The following SLC12A2 variants were observed in gnomAD, a reference collection of about 807,000 sequenced individuals.
SLC12A2 encodes solute carrier family 12 member 2.
SLC12A2 carries 67 observed loss-of-function variants against 136.3 expected under a neutral mutation model. The ratio of observed to expected loss-of-function variants is 0.49; its 90% CI spans 0.40 to 0.60. SLC12A2 has a LOEUF of 0.60. SLC12A2 is among the 20% of genes least tolerant of loss of function. The pLI is 0.00. For synonymous variants in SLC12A2, 619 were observed against 562.9 expected, an observed-to-expected ratio of 1.10 and a Z score of -1.41; for missense variants, 1,322 against 1,534.7, an observed-to-expected ratio of 0.86 and a Z score of 2.32.
chr5:128,158,207 GT>G, intron 16 of SLC12A2, 43 bp downstream of exon 16: 1 of 1,459,650 alleles, frequency 6.9e-7, no homozygotes, highest in Non-Finnish European at 9.5e-7. Flanking sequence ...TTTTTTTAAA[GT>G]TTTATTTTAG....
intron 1 of SLC12A2, among the ~76,000 whole-genome samples, chr5:128,089,704 TTAA>T (rs1760240678): frequency 6.6e-6 from 1 of 152,218 alleles, no homozygotes; most frequent in Non-Finnish European, 1.5e-5. Context: ...GAATAGGCAC[TTAA>T]TAAAGATTTG....
chr5:128,161,725 T>C lies in SLC12A2; in HGVS notation c.2541T>C (p.Ile847=), dbSNP rs780552990. 6.5e-7 allele frequency: 1 copy of C among 1,538,748 alleles called. No homozygotes were observed. Among genetic ancestry groups the C allele is most frequent in the South Asian group, 1.3e-5 (1 of 76,944 alleles). Residue 847 remains isoleucine (I), a synonymous_variant, in exon 17 of 27, where the codon ATT becomes ATC. Transcript: ENST00000262461. The stretch of plus-strand genomic sequence containing the variant: ...AAGCCAAATATCAGCGATGGCTTAT[T>C]AAGAACAAAATGAAGGCATTTTATG... ...IDQAKYQRWL[I]KNKMKAFYAP...
chr5:128,098,495 G>GTTTTTTTTT, intron 1 of SLC12A2, among the ~76,000 whole-genome samples: 1 of 145,738 alleles, frequency 6.9e-6, no homozygotes. Context: ...TGTTTTTTTT[G>GTTTTTTTTT]TTTTTTTTTC....
chr5:128,153,805 A>G (rs1762786095), intron 15 of SLC12A2, among the ~76,000 whole-genome samples: 1 of 151,884 alleles, frequency 6.6e-6, no homozygotes, highest in Non-Finnish European at 1.5e-5. Context: ...TTTTTTTGTT[A>G]CTCTTTTGAA....
intron 17 of SLC12A2, among the ~76,000 whole-genome samples, chr5:128,163,156 A>T (rs185683247): frequency 1.3e-4 from 20 of 152,258 alleles, no homozygotes; most frequent in Non-Finnish European, 2.6e-4. Context: ...ATGTCCTGCA[A>T]ATTTGGTTTG....
intron 4 of SLC12A2, among the ~76,000 whole-genome samples, chr5:128,118,933 C>A (rs1761453012): frequency 6.6e-6 from 1 of 152,072 alleles, no homozygotes; most frequent in South Asian, 2.1e-4. Flanking sequence ...CTCTATGGAG[C>A]AAGGAACCCT....
rs978460731 is a variant in SLC12A2 at position 128,124,823 on chromosome 5, CCT to C, written c.1049-6241_1049-6240del. Reference sequence around the variant, plus strand: ...TAATGGGGGTATTGAAAGTGCTAACCCTCTAATCACATAGTTGTTCCTCTAGC... The same window carrying C: ...TAATGGGGGTATTGAAAGTGCTAACCCTAATCACATAGTTGTTCCTCTAGC... On this transcript the variant is annotated intron_variant, in intron 4 of 26. Transcript: ENST00000262461. Among the ~76,000 whole-genome samples, 94 of 152,022 alleles carry C rather than the reference CCT, an allele frequency of 6.2e-4. 1 individual carries two copies. The highest frequency in any genetic ancestry group is 2.2e-3 in the African/African-American group (92 of 41,378).
chr5:128,126,124 T>A (rs1220988496), intron 4 of SLC12A2, among the ~76,000 whole-genome samples: 1 of 152,210 alleles, frequency 6.6e-6, no homozygotes, highest in African/African-American at 2.4e-5. Context: ...CTTTTCTAGA[T>A]CTTTAGCATT....
Position 128,147,628 on chromosome 5 carries a change from A to G in SLC12A2, c.1780A>G (p.Ser594Gly). ...YGLMNNFQVM[S>G]MVSGFTPLIS... is the part of the protein sequence containing the mutation. The stretch of plus-strand genomic sequence containing the variant: ...TTTGTCACTTTTATTTAAGGTAATG[A>G]GTATGGTGTCAGGATTTACACCACT... Residue 594 changes from serine to glycine, a missense_variant, in exon 11 of 27, where the codon AGT becomes GGT. Around this residue, in one of 8 missense-constraint regions of SLC12A2, gnomAD observed 294 missense variants for 436.6 expected, o/e 0.67. Coordinates refer to ENST00000262461, the MANE Select transcript of SLC12A2 (RefSeq NM_001046.3). 6.3e-7 allele frequency: 1 copy of G among 1,594,654 alleles called. No individual in the cohort carries two copies. Among genetic ancestry groups the G allele is most frequent in the Non-Finnish European group, 8.6e-7 (1 of 1,163,894 alleles).
At chr5:128,101,932 G>T (rs1171142536) in intron 1 of SLC12A2, among the ~76,000 whole-genome samples, 1 of 152,112 alleles carries the variant, frequency 6.6e-6, no homozygotes, top group Admixed American at 6.6e-5. Flanking sequence ...GTATGCAAAA[G>T]TCCTTTTTTT....
intron 1 of SLC12A2, among the ~76,000 whole-genome samples, chr5:128,104,647 A>AT (rs1479471412): frequency 1.1e-4 from 16 of 140,642 alleles, no homozygotes; most frequent in South Asian, 2.1e-4. Flanking sequence ...AAAGAAAAAA[A>AT]AATATATATA....
intron 9 of SLC12A2, among the ~76,000 whole-genome samples, chr5:128,141,109 A>G (rs1356704410): frequency 6.6e-6 from 1 of 152,176 alleles, no homozygotes; most frequent in Non-Finnish European, 1.5e-5. Context: ...GCTTGTTTCA[A>G]GGTCACTTTT....
At chr5:128,124,969 A>C (rs968623483) in intron 4 of SLC12A2, among the ~76,000 whole-genome samples, 4 of 152,218 alleles carry the variant, frequency 2.6e-5, no homozygotes, top group African/African-American at 9.6e-5. Context: ...TTCTCACCTG[A>C]TCAGTAAATT....
intron 17 of SLC12A2, among the ~76,000 whole-genome samples, chr5:128,165,624 C>T (rs998922495): frequency 1.3e-5 from 2 of 152,084 alleles, no homozygotes; most frequent in Non-Finnish European, 2.9e-5. Flanking sequence ...GACTGAATAG[C>T]TACTTTGATT....
chr5:128,089,169 CA>C (rs34686489), intron 1 of SLC12A2, among the ~76,000 whole-genome samples: 79,185 of 119,698 alleles, frequency 0.66, 23,743 homozygotes, highest in Admixed American at 0.72. Context: ...ACTTTGTCTC[CA>C]AAAAAAAAAA....
At chr5:128,089,143 G>C (rs1271809519) in intron 1 of SLC12A2, among the ~76,000 whole-genome samples, 2 of 147,988 alleles carry the variant, frequency 1.4e-5, no homozygotes, top group Non-Finnish European at 3.0e-5. Flanking sequence ...ACTCCAGCCT[G>C]GGCAACAAGA....
intron 22 of SLC12A2, among the ~76,000 whole-genome samples, chr5:128,179,285 T>A (rs1763626586): frequency 6.6e-6 from 1 of 152,212 alleles, no homozygotes; most frequent in Admixed American, 6.5e-5. Flanking sequence ...GAATGTATTG[T>A]TATTGTTGTG....
At chr5:128,145,127 A>G (rs1762488683) in intron 10 of SLC12A2, among the ~76,000 whole-genome samples, 1 of 152,134 alleles carries the variant, frequency 6.6e-6, no homozygotes. Flanking sequence ...GCCCCAAAAC[A>G]TAGTATTTCC....
chr5:128,113,049 A>T, intron 2 of SLC12A2, 116 bp downstream of exon 2: 1 of 881,180 alleles, frequency 1.1e-6, no homozygotes, highest in Non-Finnish European at 1.6e-6. Context: ...TAACTGTCTT[A>T]TCTGAGTGCT....
Sources: gnomAD v4.1 joint callset for allele counts (sites outside exome capture counted in the v4.1 genomes callset) on GRCh38, gnomAD v4.1.1 for gene constraint, gnomAD v4.1.1 regional missense constraint, MANE v1.5 for transcripts, NCBI Gene and HGNC (gene_info 2026-07-23, HGNC 2026-07-21) for gene names.